The following NR3C2 variants were observed in gnomAD, a reference collection of about 807,000 sequenced individuals.
NR3C2 encodes mineralocorticoid receptor.
NR3C2 carries 15 observed loss-of-function variants against 86.4 expected under a neutral mutation model. That is an observed-to-expected ratio of 0.17 (90% confidence interval 0.12 to 0.27). NR3C2 has a LOEUF of 0.27. Ranked by LOEUF, NR3C2 falls within the 10% of genes least tolerant of loss-of-function variation. The pLI, the probability that NR3C2 is intolerant of heterozygous loss-of-function variation, is 1.00. For missense variants in NR3C2, 960 were observed against 1,195.6 expected, an observed-to-expected ratio of 0.80 and a Z score of 2.91; for synonymous variants, 458 against 450.5, an observed-to-expected ratio of 1.02 and a Z score of -0.21.
chr4:148,389,379 G>A (rs1269525354), intron 2 of NR3C2, among the ~76,000 whole-genome samples: 1 of 152,156 alleles, frequency 6.6e-6, no homozygotes, highest in Non-Finnish European at 1.5e-5. Flanking sequence ...TTCAGCTCAG[G>A]ATTCACCAGG....
chr4:148,435,202 G>C lies in NR3C2; in HGVS notation c.1659C>G (p.Val553=). ...SFQHLSSFPP[V]NTLVESWKSH... is the part of the protein sequence containing the mutation. ...ATTTCCATGACTCCACTAAAGTATT[G>C]ACAGGAGGAAAGGAACTCAGGTGTT... Residue 553 remains valine (V), a synonymous_variant, in exon 2 of 9, where the codon GTC becomes GTG. Transcript: ENST00000358102. 1 of 1,614,128 alleles carries C rather than the reference G, an allele frequency of 6.2e-7. No homozygotes were observed. Among genetic ancestry groups the C allele is most frequent in the Non-Finnish European group, 8.5e-7 (1 of 1,180,012 alleles).
At chr4:148,428,586 T>C (rs1749658184) in intron 2 of NR3C2, among the ~76,000 whole-genome samples, 1 of 152,236 alleles carries the variant, frequency 6.6e-6, no homozygotes, top group Admixed American at 6.5e-5. Flanking sequence ...ATTATGTAAG[T>C]GAATGTCCTT....
Position 148,081,168 on chromosome 4 carries a change from A to C in NR3C2, c.*176T>G, listed in dbSNP as rs1730535427. ...CCTTCAGACTGCTCTGGTCTCGCCAAATCCACGGAAAAACAGCTTTCCCGG... is the reference window on the plus strand; with the variant it reads ...CCTTCAGACTGCTCTGGTCTCGCCACATCCACGGAAAAACAGCTTTCCCGG... On this transcript the variant is annotated 3_prime_UTR_variant, in exon 9 of 9. Transcript: ENST00000358102. 1 of 849,914 alleles carries C rather than the reference A, an allele frequency of 1.2e-6. No homozygotes were observed. The highest frequency in any genetic ancestry group is 2.1e-5 in the Admixed American group (1 of 47,522). The allele number at this position is 849,914 out of a possible 1,614,324, so 52.6% of individuals were successfully genotyped here.
At chr4:148,258,532 G>C (rs1739935994) in intron 3 of NR3C2, among the ~76,000 whole-genome samples, 1 of 152,176 alleles carries the variant, frequency 6.6e-6, no homozygotes, top group Non-Finnish European at 1.5e-5. Flanking sequence ...CAGCCTATCT[G>C]ATCACTACAT....
intron 3 of NR3C2, among the ~76,000 whole-genome samples, chr4:148,254,217 C>T (rs1739715802): frequency 6.6e-6 from 1 of 152,190 alleles, no homozygotes; most frequent in Non-Finnish European, 1.5e-5. Context: ...CTGAGCTTAT[C>T]GTTCTGCTGC....
intron 2 of NR3C2, among the ~76,000 whole-genome samples, chr4:148,412,597 A>G (rs934492623): frequency 1.1e-4 from 17 of 152,212 alleles, no homozygotes; most frequent in African/African-American, 2.7e-4. Context: ...TTCCTTTATT[A>G]GGAACAAAAA....
rs777358789 is a variant in NR3C2, at chr4:148,117,246, G to C, written c.2641+2912C>G. Reference sequence around the variant, plus strand: ...GAATTCAATGAAAATAAAACAAAAGGCCAAAAGCAACCCCAAAAACCTGTG... The same window carrying C: ...GAATTCAATGAAAATAAAACAAAAGCCCAAAAGCAACCCCAAAAACCTGTG... On this transcript the variant is annotated intron_variant, in intron 7 of 8. Transcript: ENST00000358102. Among the ~76,000 whole-genome samples the C allele has an allele frequency of 4.9e-4, 75 of 152,276 alleles. 1 individual carries two copies. Among genetic ancestry groups the C allele is most frequent in the Admixed American group, 1.3e-3 (20 of 15,294 alleles).
chr4:148,236,091 C>A (rs771036248), intron 3 of NR3C2, among the ~76,000 whole-genome samples: 1 of 152,200 alleles, frequency 6.6e-6, no homozygotes, highest in Non-Finnish European at 1.5e-5. Context: ...CATCTGACGT[C>A]CCCTTGGGAA....
At chr4:148,359,457 TC>T (rs1309042554) in intron 2 of NR3C2, among the ~76,000 whole-genome samples, 11 of 152,152 alleles carry the variant, frequency 7.2e-5, no homozygotes, top group Admixed American at 2.6e-4. Context: ...AACAAAGGAT[TC>T]TAGTGACCTT....
chr4:148,108,892 T>C (rs748506505), intron 8 of NR3C2, among the ~76,000 whole-genome samples: 1 of 152,200 alleles, frequency 6.6e-6, no homozygotes, highest in Non-Finnish European at 1.5e-5. Context: ...TTCCAGAACG[T>C]GCCAGGGAAG....
chr4:148,358,685 A>G (rs1745690088), intron 2 of NR3C2, among the ~76,000 whole-genome samples: 1 of 152,160 alleles, frequency 6.6e-6, no homozygotes, highest in African/African-American at 2.4e-5. Context: ...CTAAATTTAA[A>G]TTATATGAAA....
chr4:148,085,714 G>T (rs1335513511), intron 8 of NR3C2, among the ~76,000 whole-genome samples: 1 of 151,830 alleles, frequency 6.6e-6, no homozygotes, highest in Non-Finnish European at 1.5e-5. Flanking sequence ...GGTTTTTTTT[G>T]AAAAGATCAA....
chr4:148,435,113 T>G lies in NR3C2; in HGVS notation c.1748A>C (p.Asn583Thr), dbSNP rs775482238. Residue 583 changes from asparagine (N) to threonine (T), a missense_variant, in exon 2 of 9, where the codon AAT (asparagine) becomes ACT (threonine). Asn to Thr is a moderately conservative substitution (Grantham distance 65). This residue lies in a region of NR3C2 where 680 missense variants were observed against 719.0 expected (regional missense o/e 0.95). Coordinates refer to ENST00000358102, the MANE Select transcript of NR3C2 (RefSeq NM_000901.5). ...GYPVLEYIPENVSSSTLRSVS... is the reference protein window; with the variant it reads ...GYPVLEYIPETVSSSTLRSVS... ...GAGAAAACCAACTTACCTTGATACA[T>G]TTTCTGGAATGTATTCTAAGACCGG... 13 of 1,614,100 alleles carry G rather than the reference T, an allele frequency of 8.1e-6. No individual in the cohort carries two copies. The highest frequency in any genetic ancestry group is 1.1e-5 in the Non-Finnish European group (13 of 1,180,034).
chr4:148,109,936 A>C (rs979849644), intron 8 of NR3C2, among the ~76,000 whole-genome samples: 8 of 152,238 alleles, frequency 5.3e-5, no homozygotes, highest in Admixed American at 3.3e-4. Flanking sequence ...TCTAAGAATG[A>C]ATAGAAGTTA....
At chr4:148,317,377 A>AAAAAAAG (rs898184214) in intron 2 of NR3C2, among the ~76,000 whole-genome samples, 3 of 151,948 alleles carry the variant, frequency 2.0e-5, no homozygotes, top group Non-Finnish European at 4.4e-5. Flanking sequence ...GAAAAAAAGA[A>AAAAAAAG]AAAAAAGAAA....
chr4:148,262,789 G>A (rs2149875145), intron 2 of NR3C2, among the ~76,000 whole-genome samples: 1 of 152,066 alleles, frequency 6.6e-6, no homozygotes. Flanking sequence ...ATTAAGGCAG[G>A]GAGTCCGTGC....
chr4:148,283,176 T>C (rs2149898624), intron 2 of NR3C2, among the ~76,000 whole-genome samples: 1 of 152,278 alleles, frequency 6.6e-6, no homozygotes, highest in East Asian at 1.9e-4. Context: ...ATAGCTTTCA[T>C]AAAAGTAAGT....
At chr4:148,435,014 T>A (rs1219449112) in intron 2 of NR3C2, 90 bp downstream of exon 2, 2 of 1,230,468 alleles carry the variant, frequency 1.6e-6, no homozygotes, top group African/African-American at 3.0e-5. Flanking sequence ...TAATCTGAAA[T>A]GTGTTTAAAT....
intron 4 of NR3C2, among the ~76,000 whole-genome samples, chr4:148,156,141 C>T (rs1256471371): frequency 6.6e-6 from 1 of 152,060 alleles, no homozygotes; most frequent in Non-Finnish European, 1.5e-5. Flanking sequence ...AAACGTTAGA[C>T]CTAAAACCAT....
Sources: gnomAD v4.1 joint callset for allele counts (sites outside exome capture counted in the v4.1 genomes callset) on GRCh38, gnomAD v4.1.1 for gene constraint, gnomAD v4.1.1 regional missense constraint, MANE v1.5 for transcripts, NCBI Gene and HGNC (gene_info 2026-07-23, HGNC 2026-07-21) for gene names.